Variants in FCHO1 observed in about 807,000 individuals in gnomAD.
FCHO1 encodes FCH and mu domain containing endocytic adaptor 1.
A neutral mutation model predicts 114.4 loss-of-function variants in FCHO1; 45 were observed. That is an observed-to-expected ratio of 0.39 (90% confidence interval 0.31 to 0.50). The LOEUF (loss-of-function observed/expected upper bound fraction) is 0.50, where lower values mean the gene tolerates loss of function less well. FCHO1 is among the 20% of genes least tolerant of loss of function. FCHO1 has a pLI of 0.77. For synonymous variants in FCHO1, 480 were observed against 488.9 expected (o/e 0.98, Z 0.24); for missense variants, 1,042 against 1,209.6 (o/e 0.86, Z 2.06).
In FCHO1 at chr19:17,775,834, A is replaced by T; in HGVS notation, c.1004-149A>T. On this transcript the variant is annotated intron_variant, in intron 15 of 28. Coordinates refer to ENST00000596536, the MANE Select transcript of FCHO1 (RefSeq NM_015122.3). The surrounding 1 kb of genome is among the most constrained non-coding windows in gnomAD (Gnocchi z 5.1). ...GGGGGGGTGGGAGTGCTGGTGGGAC[A>T]TGGTGTCAGGACTGAAGGTGGCGCG... 1.2e-6 allele frequency: 1 copy of T among 858,734 alleles called. No homozygotes were observed. The highest frequency in any genetic ancestry group is 1.8e-6 in the Non-Finnish European group (1 of 563,934). The allele number at this position is 858,734 out of a possible 1,614,324, so 53.2% of individuals were successfully genotyped here.
rs754919259 is a variant in FCHO1 at position 17,776,722 on chromosome 19, C to T, written c.1259+36C>T. ...CACGAGTGGGCAGGTGGGGGCTGTCCCCACCTCCTCCCTCCACCTCCCCAT... is the reference window on the plus strand; with the variant it reads ...CACGAGTGGGCAGGTGGGGGCTGTCTCCACCTCCTCCCTCCACCTCCCCAT... On this transcript the variant is annotated intron_variant, in intron 18 of 28. Coordinates refer to ENST00000596536, the MANE Select transcript of FCHO1 (RefSeq NM_015122.3). This position sits in a 1 kb window ranked among gnomAD's most constrained non-coding sequence, Gnocchi z 4.4. 2.5e-6 allele frequency: 4 copies of T among 1,594,834 alleles called. No homozygotes were observed. The highest frequency in any genetic ancestry group is 2.6e-6 in the Non-Finnish European group (3 of 1,164,104).
At position 17,784,999 on chromosome 19, in the gene FCHO1, AT is replaced by A; in HGVS notation, c.2426+77del. ...CCCAGACCTTCTCCCTGATGCATTG[AT>A]TAAAGGGTGCACCCTCGGCCTGACC... On this transcript the variant is annotated intron_variant, in intron 26 of 28. Coordinates refer to ENST00000596536, the MANE Select transcript of FCHO1 (RefSeq NM_015122.3). The surrounding 1 kb of genome is among the most constrained non-coding windows in gnomAD (Gnocchi z 5.3). 6.9e-7 allele frequency: 1 copy of A among 1,455,916 alleles called. No homozygotes were observed. Among genetic ancestry groups the A allele is most frequent in the Non-Finnish European group, 9.5e-7 (1 of 1,056,142 alleles). 90.2% of individuals were successfully genotyped at this position (1,455,916 alleles called of 1,614,324 possible). A position where few individuals can be genotyped will look rare whatever the true frequency, so the allele number is the denominator to read the frequency against.
chr19:17,781,335 G>A lies in FCHO1; in HGVS notation c.1732G>A (p.Gly578Arg), dbSNP rs149361784. The change falls in exon 21 of 29, where the codon GGG becomes AGG. Residue 578 changes from glycine (G) to arginine (R), a missense_variant. Gly to Arg is a moderately radical substitution (Grantham distance 125). This residue lies in a region of FCHO1 where 455 missense variants were observed against 455.4 expected (regional missense o/e 1.00). Transcript: ENST00000596536. ...KVSCPLTRSN[G>R]DLSRSLSPSP... ...GTCCTGCCCTCTCACACGTAGCAAT[G>A]GGGACCTGGTAGGTGAGGGGGCGTG... The A allele has an allele frequency of 3.6e-4, 582 of 1,613,436 alleles. 1 individual carries two copies. Among genetic ancestry groups the A allele is most frequent in the Non-Finnish European group, 4.6e-4 (540 of 1,179,534 alleles).
intron 18 of FCHO1, among the ~76,000 whole-genome samples, 167 bp from the exon 19 acceptor site, chr19:17,777,970 C>T (rs529682624): frequency 1.3e-5 from 2 of 151,802 alleles, no homozygotes; most frequent in South Asian, 2.1e-4. Context: ...ACGCAGGAAG[C>T]GGAGGTTGCA....
At chr19:17,765,351 C>T (rs1338005523) in intron 6 of FCHO1, among the ~76,000 whole-genome samples, 2 of 152,010 alleles carry the variant, frequency 1.3e-5, no homozygotes, top group Non-Finnish European at 2.9e-5. Flanking sequence ...GGTGAGGCCT[C>T]AGGGGCCTGA....
intron 4 of FCHO1, among the ~76,000 whole-genome samples, chr19:17,759,226 C>CTTTTTTTTTTTTTTTTTTTTTTTTT (rs1473282318): frequency 9.4e-6 from 1 of 105,920 alleles, no homozygotes; most frequent in Non-Finnish European, 1.8e-5. Flanking sequence ...AGCTGATTAC[C>CTTTTTTTTTTTTTTTTTTTTTTTTT]TTTTTTTTTT....
chr19:17,778,619 C>A lies in FCHO1; in HGVS notation c.1362C>A (p.Ser454Arg). ...GCTTCCCTCCCCAAGGCTCTAGCAG[C>A]CTGGGCTTCACCTCCAGCCCCTCCC... ...FDHEDFTGSS[S>R]LGFTSSPSPF... Residue 454 changes from serine to arginine, a missense_variant, in exon 20 of 29, where the codon AGC becomes AGA. By Grantham distance (110) the Ser-to-Arg change is moderately radical. This residue lies in a region of FCHO1 where 455 missense variants were observed against 455.4 expected (regional missense o/e 1.00). Transcript: ENST00000596536. The A allele has an allele frequency of 6.4e-7, 1 of 1,565,910 alleles. No individual in the cohort carries two copies. The highest frequency in any genetic ancestry group is 8.6e-7 in the Non-Finnish European group (1 of 1,157,472).
Position 17,776,491 on chromosome 19 carries a change from T to G in FCHO1, c.1208-144T>G. The stretch of plus-strand genomic sequence containing the variant: ...GCTAGCATCTGGAGACAGGCTCGCT[T>G]AGGCTTGAATCCATGTCTGCCTGAT... On this transcript the variant is annotated intron_variant, in intron 17 of 28. Transcript: ENST00000596536. This position sits in a 1 kb window ranked among gnomAD's most constrained non-coding sequence, Gnocchi z 4.4. The G allele has an allele frequency of 9.4e-7, 1 of 1,061,842 alleles. No individual in the cohort carries two copies. The highest frequency in any genetic ancestry group is 1.4e-6 in the Non-Finnish European group (1 of 692,152). 65.8% of individuals were successfully genotyped at this position (1,061,842 alleles called of 1,614,324 possible).
chr19:17,748,510 G>T (rs185918365), upstream of FCHO1, among the ~76,000 whole-genome samples: 13 of 151,806 alleles, frequency 8.6e-5, no homozygotes, highest in South Asian at 1.3e-3. Flanking sequence ...CTGGACTTGG[G>T]GGGGGGGTCC....
intron 6 of FCHO1, among the ~76,000 whole-genome samples, chr19:17,766,404 C>G (rs2146752906): frequency 6.6e-6 from 1 of 152,190 alleles, no homozygotes; most frequent in East Asian, 1.9e-4. Context: ...TCCCAAAGTG[C>G]TGGGATTACC....
Position 17,776,562 on chromosome 19 carries a change from T to A in FCHO1, c.1208-73T>A. The stretch of plus-strand genomic sequence containing the variant: ...CTGGCTGGACACCCCCGAGCCTCGG[T>A]CCCTTGGTCTGTGGAGTGGGGAGCA... On this transcript the variant is annotated intron_variant, in intron 17 of 28. Coordinates refer to ENST00000596536, the MANE Select transcript of FCHO1 (RefSeq NM_015122.3). The surrounding 1 kb of genome is among the most constrained non-coding windows in gnomAD (Gnocchi z 4.4). The A allele has an allele frequency of 6.4e-7, 1 of 1,556,804 alleles. No homozygotes were observed. The highest frequency in any genetic ancestry group is 8.9e-7 in the Non-Finnish European group (1 of 1,128,858).
Position 17,776,215 on chromosome 19 carries a change from T to C in FCHO1, c.1183-32T>C, listed in dbSNP as rs2287853. The C allele has an allele frequency of 0.93, 1,495,534 of 1,613,908 alleles. 694,146 individuals carry two copies. The highest frequency in any genetic ancestry group is 0.94 in the Middle Eastern group (5,697 of 6,062). ...TTGCTAGAGAGGCTGGCTGGATGCA[T>C]TCGTGTGTGATGTTGCCCACTTTGT... On this transcript the variant is annotated intron_variant, in intron 16 of 28. Transcript: ENST00000596536. The surrounding 1 kb of genome is among the most constrained non-coding windows in gnomAD (Gnocchi z 4.4).
At chr19:17,778,284 G>T in intron 19 of FCHO1, 56 bp downstream of exon 19, 3 of 1,430,286 alleles carry the variant, frequency 2.1e-6, no homozygotes, top group Non-Finnish European at 3.0e-6. Context: ...GGTTGGGTGG[G>T]GCCATTGCAG....
Position 17,781,502 on chromosome 19 carries a change from C to G in FCHO1, c.1791C>G (p.Ala597=), listed in dbSNP as rs1246987775. The G allele has an allele frequency of 6.2e-7, 1 of 1,614,104 alleles. No homozygotes were observed. The highest frequency in any genetic ancestry group is 8.5e-7 in the Non-Finnish European group (1 of 1,180,010). The change falls in exon 22 of 29, where the codon GCC becomes GCG. Residue 597 remains alanine (A), a synonymous_variant. Transcript: ENST00000596536. ...SPLGSSAAST[A]LERPSFLSQT... ...TGGGCTCTTCAGCCGCCAGCACTGC[C>G]TTGGAACGGCCCAGCTTCTTATCCC...
At chr19:17,781,193 G>A in intron 20 of FCHO1, 38 bp from the exon 21 acceptor site, 1 of 1,484,108 alleles carries the variant, frequency 6.7e-7, no homozygotes, top group Non-Finnish European at 9.3e-7. Context: ...GAGGCCCCGG[G>A]CAGCATCTCA....
At chr19:17,782,136 A>T (rs1599768666) in intron 23 of FCHO1, among the ~76,000 whole-genome samples, 2 of 151,900 alleles carry the variant, frequency 1.3e-5, no homozygotes, top group East Asian at 3.9e-4. Context: ...CAGCCTCCCG[A>T]GTAGCTGGAA....
rs552257817 is a variant in FCHO1, at chr19:17,788,475, C to T, written c.*169C>T. 23 of 591,056 alleles carry T rather than the reference C, an allele frequency of 3.9e-5. No homozygotes were observed. The highest frequency in any genetic ancestry group is 6.1e-5 in the Non-Finnish European group (20 of 327,434). The allele number at this position is 591,056 out of a possible 1,614,324, so 36.6% of individuals were successfully genotyped here. The stretch of plus-strand genomic sequence containing the variant: ...GCTGAGCCCGAGATTCGCTCCTCCC[C>T]CTCATGCCAACCCCACACAGGTCCC... On this transcript the variant is annotated 3_prime_UTR_variant, in exon 29 of 29. Transcript: ENST00000596536.
chr19:17,753,037 G>A lies in FCHO1; in HGVS notation c.-182-1280G>A, dbSNP rs140164047. On this transcript the variant is annotated intron_variant, in intron 1 of 28. Coordinates refer to ENST00000596536, the MANE Select transcript of FCHO1 (RefSeq NM_015122.3). ...GTGGAGGCTGCAGTGAGCTATGATC[G>A]CACCACTGCACTCCAGCCTGGGCAA... 7.5e-3 allele frequency among the ~76,000 whole-genome samples: 1,135 copies of A among 152,006 alleles called. 10 individuals carry two copies. The highest frequency in any genetic ancestry group is 0.026 in the African/African-American group (1,076 of 41,466).
intron 7 of FCHO1, among the ~76,000 whole-genome samples, chr19:17,768,736 G>A (rs1599653464): frequency 6.7e-6 from 1 of 149,078 alleles, no homozygotes; most frequent in East Asian, 2.0e-4. Context: ...AGAGAGAGAA[G>A]GGGTCCTGCT....
Sources: allele counts gnomAD v4.1 joint callset (sites outside exome capture counted in the v4.1 genomes callset), GRCh38; gene constraint gnomAD v4.1.1; regional missense constraint gnomAD v4.1.1; non-coding constraint Gnocchi (gnomAD v3.1); transcripts MANE v1.5; gene names NCBI Gene and HGNC (gene_info 2026-07-23, HGNC 2026-07-21).